The following TPRG1 variants were observed in gnomAD, a reference collection of about 807,000 sequenced individuals.
The protein encoded by TPRG1 is tumor protein p63 regulated 1, also known as tumor protein p63-regulated gene 1 protein.
Under a neutral mutation model 29.3 loss-of-function variants are expected in TPRG1, and 29 were observed. The ratio of observed to expected loss-of-function variants is 0.99; its 90% CI spans 0.74 to 1.35. The LOEUF is 1.35. TPRG1 is among the 40% of genes most tolerant of loss of function. TPRG1 has a pLI of 0.00. For synonymous variants in TPRG1, 130 were observed against 116.8 expected (o/e 1.11, Z -0.73); for missense variants, 327 against 335.0 (o/e 0.98, Z 0.19).
intron 1 of TPRG1, among the ~76,000 whole-genome samples, chr3:189,191,707 C>G (rs1731718900): frequency 6.6e-6 from 1 of 152,210 alleles, no homozygotes; most frequent in Non-Finnish European, 1.5e-5. Flanking sequence ...TACAGCCCCA[C>G]AAGATGAGAA....
chr3:189,109,083 G>A (rs1720173480), intron 1 of TPRG1, among the ~76,000 whole-genome samples: 1 of 152,030 alleles, frequency 6.6e-6, no homozygotes, highest in Non-Finnish European at 1.5e-5. Context: ...TATAGACAAA[G>A]TATTTTGGTC....
chr3:189,209,990 G>A (rs1461155977), intron 2 of TPRG1, among the ~76,000 whole-genome samples: 1 of 151,820 alleles, frequency 6.6e-6, no homozygotes, highest in East Asian at 1.9e-4. Context: ...TGAGAACAAT[G>A]AAAATATAAC....
intron 4 of TPRG1, among the ~76,000 whole-genome samples, chr3:189,052,642 C>A (rs1715399566): frequency 6.6e-6 from 1 of 152,192 alleles, no homozygotes; most frequent in African/African-American, 2.4e-5. Context: ...CTTTCACATG[C>A]ATGTTTGTAG....
chr3:189,281,280 A>G (rs1717077657), intron 4 of TPRG1, among the ~76,000 whole-genome samples: 1 of 152,176 alleles, frequency 6.6e-6, no homozygotes, highest in East Asian at 1.9e-4. Flanking sequence ...CCACTGAGCA[A>G]TATCACTTCC....
chr3:189,165,921 A>G (rs540168337), intron 5 of TPRG1, among the ~76,000 whole-genome samples: 49 of 152,280 alleles, frequency 3.2e-4, no homozygotes, highest in African/African-American at 1.2e-3. Context: ...GTCAGGGACT[A>G]AGACAGACAA....
chr3:189,006,004 A>T (rs1314372814), intron 3 of TPRG1, among the ~76,000 whole-genome samples: 1 of 152,160 alleles, frequency 6.6e-6, no homozygotes, highest in African/African-American at 2.4e-5. Context: ...GCTATTATTC[A>T]GCATGTATTC....
chr3:189,179,165 T>C (rs1729886085), intron 1 of TPRG1, among the ~76,000 whole-genome samples: 1 of 152,220 alleles, frequency 6.6e-6, no homozygotes, highest in Admixed American at 6.5e-5. Context: ...TTCTGTCAAC[T>C]TGAAGGTCAT....
In TPRG1 at chr3:189,203,412, C is replaced by T. The variant is rs543361822; in HGVS notation, c.-9-3964C>T. ...AAAGAGCAAAAATTGACGCACAATC[C>T]ACTACTTCAATAAATATAACTATTT... On this transcript the variant is annotated intron_variant, in intron 1 of 5. Coordinates refer to ENST00000345063, the MANE Select transcript of TPRG1 (RefSeq NM_198485.4). Among the ~76,000 whole-genome samples, 3 of 152,086 alleles carry T rather than the reference C, an allele frequency of 2.0e-5. 1 individual carries two copies. The highest frequency in any genetic ancestry group is 4.2e-4 in the South Asian group (2 of 4,818).
intron 4 of TPRG1, among the ~76,000 whole-genome samples, chr3:189,026,234 G>A (rs1316548678): frequency 6.6e-6 from 1 of 152,172 alleles, no homozygotes; most frequent in Admixed American, 6.5e-5. Context: ...TTGTCCTCAT[G>A]TGGTCTTTTC....
At chr3:189,287,131 T>C (rs1166230885) in intron 4 of TPRG1, among the ~76,000 whole-genome samples, 1 of 152,050 alleles carries the variant, frequency 6.6e-6, no homozygotes, top group Non-Finnish European at 1.5e-5. Context: ...GGTTGCAAGA[T>C]AGCACTGCAC....
At chr3:189,012,553 T>C (rs1712658840) in intron 3 of TPRG1, among the ~76,000 whole-genome samples, 1 of 152,082 alleles carries the variant, frequency 6.6e-6, no homozygotes, top group Non-Finnish European at 1.5e-5. Flanking sequence ...TTTTTCAGAA[T>C]AGTTTCAGTA....
chr3:189,316,759 T>C (rs1723599963), intron 5 of TPRG1, among the ~76,000 whole-genome samples: 1 of 152,182 alleles, frequency 6.6e-6, no homozygotes. Flanking sequence ...TATTTGGGAC[T>C]GAAATAAAAG....
chr3:189,177,380 TG>T (rs1361825758), intron 1 of TPRG1, among the ~76,000 whole-genome samples: 1 of 151,794 alleles, frequency 6.6e-6, no homozygotes, highest in African/African-American at 2.4e-5. Flanking sequence ...AGATAAAAAA[TG>T]GGAATCATAT....
At chr3:189,294,542 A>T (rs138746960) in intron 4 of TPRG1, among the ~76,000 whole-genome samples, 264 of 152,216 alleles carry the variant, frequency 1.7e-3, no homozygotes, top group African/African-American at 6.0e-3. Context: ...AAATGCTACC[A>T]GCTCCCCAGC....
At chr3:189,090,428 ATATT>A (rs1718266572) in intron 4 of TPRG1, among the ~76,000 whole-genome samples, 1 of 152,114 alleles carries the variant, frequency 6.6e-6, no homozygotes, top group Non-Finnish European at 1.5e-5. Flanking sequence ...GAAAAAATAT[ATATT>A]GTTAATTAAA....
At chr3:189,161,612 C>T (rs904688390) in intron 5 of TPRG1, among the ~76,000 whole-genome samples, 7 of 152,126 alleles carry the variant, frequency 4.6e-5, no homozygotes, top group African/African-American at 1.4e-4. Context: ...GTGCCCACAC[C>T]TTTATCCATT....
At chr3:189,087,764 A>G (rs112798513) in intron 4 of TPRG1, among the ~76,000 whole-genome samples, 2,065 of 152,282 alleles carry the variant, frequency 0.014, 45 homozygotes, top group African/African-American at 0.045. Context: ...TAAATAGGGA[A>G]TCCTTTCCCC....
At chr3:189,177,631 G>A (rs969763467) in intron 1 of TPRG1, among the ~76,000 whole-genome samples, 1 of 151,950 alleles carries the variant, frequency 6.6e-6, no homozygotes, top group Non-Finnish European at 1.5e-5. Flanking sequence ...GACTTCTGGG[G>A]TGCTGAATGT....
intron 4 of TPRG1, among the ~76,000 whole-genome samples, chr3:189,054,333 A>G (rs748555795): frequency 1.3e-4 from 19 of 151,870 alleles, no homozygotes; most frequent in Non-Finnish European, 1.8e-4. Flanking sequence ...GCACCCCAAA[A>G]CAATTACAAT....
Sources: allele counts gnomAD v4.1 joint callset (sites outside exome capture counted in the v4.1 genomes callset), GRCh38; gene constraint gnomAD v4.1.1; transcripts MANE v1.5; gene names NCBI Gene and HGNC (gene_info 2026-07-23, HGNC 2026-07-21).